The following PTPN21 variants were observed in gnomAD, a reference collection of about 807,000 sequenced individuals.
PTPN21 encodes the protein protein tyrosine phosphatase non-receptor type 21.
In PTPN21, 77 loss-of-function variants were observed where a neutral mutation model predicts 131.8. The ratio of observed to expected loss-of-function variants is 0.58; its 90% CI spans 0.49 to 0.71. The LOEUF (loss-of-function observed/expected upper bound fraction) is 0.71. Among genes scored for constraint, PTPN21 ranks in the 30% least tolerant of loss-of-function variants. The pLI, the probability that PTPN21 is intolerant of heterozygous loss-of-function variation, is 0.00. For missense variants in PTPN21, 1,552 were observed against 1,527.1 expected, an observed-to-expected ratio of 1.02 and a Z score of -0.27; for synonymous variants, 715 against 621.3, an observed-to-expected ratio of 1.15 and a Z score of -2.24.
chr14:88,502,060 G>C (rs752031779), intron 6 of PTPN21, among the ~76,000 whole-genome samples: 17 of 152,148 alleles, frequency 1.1e-4, no homozygotes, highest in African/African-American at 4.1e-4. Flanking sequence ...ATAAGGGTAC[G>C]AGGAGGCTAC....
chr14:88,487,417 G>T (rs1287476209), intron 10 of PTPN21, among the ~76,000 whole-genome samples: 1 of 151,988 alleles, frequency 6.6e-6, no homozygotes, highest in Non-Finnish European at 1.5e-5. Flanking sequence ...ATCCATTTAA[G>T]CAAATTTACC....
chr14:88,471,298 AAAAT>A (rs2077462952), intron 15 of PTPN21, among the ~76,000 whole-genome samples: 1 of 152,194 alleles, frequency 6.6e-6, no homozygotes, highest in African/African-American at 2.4e-5. Context: ...TCTCCTTCCC[AAAAT>A]AAAGAATTGA....
intron 2 of PTPN21, among the ~76,000 whole-genome samples, chr14:88,534,004 A>G (rs1026720581): frequency 6.6e-6 from 1 of 152,186 alleles, no homozygotes; most frequent in African/African-American, 2.4e-5. Context: ...TGTGGAGGTG[A>G]AAGAAAGTGT....
intron 2 of PTPN21, among the ~76,000 whole-genome samples, chr14:88,518,156 T>C (rs1033155794): frequency 2.2e-5 from 3 of 135,994 alleles, no homozygotes; most frequent in African/African-American, 5.5e-5. Context: ...CCTCCTTTTT[T>C]TCCTTCAGTT....
chr14:88,538,980 T>C (rs1179591769), intron 2 of PTPN21, among the ~76,000 whole-genome samples: 1 of 152,214 alleles, frequency 6.6e-6, no homozygotes, highest in Non-Finnish European at 1.5e-5. Flanking sequence ...TCTAGTCCCT[T>C]TAAACAGTAT....
At chr14:88,484,999 C>T (rs754094501) in intron 12 of PTPN21, 77 bp downstream of exon 12, 14 of 1,274,092 alleles carry the variant, frequency 1.1e-5, no homozygotes, top group African/African-American at 1.5e-5. Flanking sequence ...ACTGTCCAGG[C>T]TTCATGATCT....
chr14:88,499,905 G>C (rs555053656), intron 8 of PTPN21, among the ~76,000 whole-genome samples: 8 of 152,146 alleles, frequency 5.3e-5, no homozygotes, highest in African/African-American at 1.9e-4. Context: ...ATACTATAAA[G>C]GAAATTAAAA....
rs533719462 is a variant in PTPN21, at chr14:88,529,959, C to T, written c.181-12698G>A. Among the ~76,000 whole-genome samples the T allele has an allele frequency of 1.1e-4, 16 of 148,950 alleles. No individual in the cohort carries two copies. The East Asian group carries it at 1.4e-3, about 13-fold the overall frequency. On this transcript the variant is annotated intron_variant, in intron 2 of 18. Transcript: ENST00000556564. ...ATCACACCATGCACTTCAGTCTGGGCGACAGAGTCAGACACCATCTCAAGA... is the reference window on the plus strand; with the variant it reads ...ATCACACCATGCACTTCAGTCTGGGTGACAGAGTCAGACACCATCTCAAGA...
intron 12 of PTPN21, among the ~76,000 whole-genome samples, chr14:88,484,013 A>G (rs2077693065): frequency 6.6e-6 from 1 of 151,344 alleles, no homozygotes; most frequent in Admixed American, 6.6e-5. Flanking sequence ...TTATTTGTGC[A>G]CTTGTCTTAT....
chr14:88,554,573 G>A (rs887981316), intron 1 of PTPN21, 78 bp downstream of exon 1: 3 of 151,170 alleles, frequency 2.0e-5, no homozygotes, highest in Admixed American at 2.0e-4. Flanking sequence ...GCGCGCTCCG[G>A]GGTCCGGGCG....
chr14:88,479,187 G>A lies in PTPN21; in HGVS notation c.2244C>T (p.Arg748=), dbSNP rs763403219. The A allele has an allele frequency of 1.9e-5, 30 of 1,567,778 alleles. No homozygotes were observed. Among genetic ancestry groups the A allele is most frequent in the Non-Finnish European group, 2.4e-5 (28 of 1,159,878 alleles). Residue 748 remains arginine (R), a synonymous_variant, in exon 13 of 19, where the codon CGC becomes CGT. Transcript: ENST00000556564. ...GLAQDPPGCP[R]VLLAGPLHIL... ...TGTGCAGGGGCCCGGCGAGCAGGAC[G>A]CGAGGGCAGCCAGGTGGGTCCTGGG...
intron 15 of PTPN21, chr14:88,470,371 A>G: frequency 7.0e-6 from 2 of 287,502 alleles, no homozygotes; most frequent in South Asian, 9.4e-5. Context: ...GTGAGGACTG[A>G]GTCAGTATCT....
chr14:88,475,144 A>T (rs550740348), intron 13 of PTPN21, among the ~76,000 whole-genome samples: 1 of 152,144 alleles, frequency 6.6e-6, no homozygotes, highest in African/African-American at 2.4e-5. Flanking sequence ...TCCTTGGATG[A>T]TATCAATATA....
chr14:88,520,476 A>G (rs186271977), intron 2 of PTPN21, among the ~76,000 whole-genome samples: 1 of 152,248 alleles, frequency 6.6e-6, no homozygotes, highest in Admixed American at 6.5e-5. Flanking sequence ...AGCACATTGT[A>G]ATATATCTGA....
rs750511164 is a variant in PTPN21, at chr14:88,480,273, G to T, written c.1158C>A (p.Asn386Lys). ...AGACACTGCCATTACGGATCCGACC[G>T]TTGAGGTCAATCTGGGCTCTATCCA... ...TSLDRAQIDLNGRIRNGSVYS... is the reference protein window; with the variant it reads ...TSLDRAQIDLKGRIRNGSVYS... The change falls in exon 13 of 19, where the codon AAC becomes AAA. Residue 386 changes from asparagine to lysine, a missense_variant. Around this residue, in one of 4 missense-constraint regions of PTPN21, gnomAD observed 1,016 missense variants for 883.5 expected, o/e 1.15. Coordinates refer to ENST00000556564, the MANE Select transcript of PTPN21 (RefSeq NM_007039.4). The T allele has an allele frequency of 1.2e-6, 2 of 1,614,160 alleles. No homozygotes were observed. Among genetic ancestry groups the T allele is most frequent in the Non-Finnish European group, 8.5e-7 (1 of 1,179,990 alleles).
chr14:88,479,273 C>A lies in PTPN21; in HGVS notation c.2158G>T (p.Glu720Ter). ...SSEEEEDEDFEEESGARAPPA... is the reference protein window; with the variant it reads ...SSEEEEDEDF ...GGCGCCCGGGCCCCGCTCTCCTCCT[C>A]GAAGTCCTCGTCCTCCTCCTCCTCG... The change falls in exon 13 of 19, where the codon GAG becomes TAG. Residue 720 changes from glutamate to a stop codon, truncating the protein, a stop_gained. Coordinates refer to ENST00000556564, the MANE Select transcript of PTPN21 (RefSeq NM_007039.4). LOFTEE classifies it high-confidence loss of function. 2 of 1,612,896 alleles carry A rather than the reference C, an allele frequency of 1.2e-6. No homozygotes were observed. Among genetic ancestry groups the A allele is most frequent in the Non-Finnish European group, 1.7e-6 (2 of 1,179,344 alleles).
chr14:88,509,661 C>T (rs1385358675), intron 3 of PTPN21, among the ~76,000 whole-genome samples: 2 of 152,178 alleles, frequency 1.3e-5, no homozygotes, highest in Non-Finnish European at 2.9e-5. Context: ...TGAGGGAGAG[C>T]GTGTTTAGGG....
intron 2 of PTPN21, among the ~76,000 whole-genome samples, chr14:88,532,123 C>A (rs1203571603): frequency 2.7e-5 from 4 of 148,932 alleles, no homozygotes; most frequent in Non-Finnish European, 3.0e-5. Context: ...AAAAAAAAAA[C>A]TGCCAACAAA....
intron 3 of PTPN21, among the ~76,000 whole-genome samples, chr14:88,510,675 G>A (rs1400850003): frequency 6.6e-6 from 1 of 152,124 alleles, no homozygotes; most frequent in Non-Finnish European, 1.5e-5. Flanking sequence ...TGTGACCTTG[G>A]GCAAGGTGTT....
Sources: gnomAD v4.1 joint callset for allele counts (sites outside exome capture counted in the v4.1 genomes callset) on GRCh38, gnomAD v4.1.1 for gene constraint, gnomAD v4.1.1 regional missense constraint, MANE v1.5 for transcripts, NCBI Gene and HGNC (gene_info 2026-07-23, HGNC 2026-07-21) for gene names.